The following DYNC2I1 variants were observed in gnomAD, a reference collection of about 807,000 sequenced individuals.
DYNC2I1 encodes the protein dynein 2 intermediate chain 1.
DYNC2I1 carries 89 observed loss-of-function variants against 133.4 expected under a neutral mutation model. That is an observed-to-expected ratio of 0.67 (90% CI 0.56 to 0.80). The LOEUF is 0.80. Among genes scored for constraint, DYNC2I1 ranks in the 30% least tolerant of loss-of-function variants. The pLI is 0.00. For synonymous variants in DYNC2I1, 504 were observed against 484.3 expected, an observed-to-expected ratio of 1.04 and a Z score of -0.54; for missense variants, 1,291 against 1,314.5, an observed-to-expected ratio of 0.98 and a Z score of 0.28.
At chr7:158,870,912 G>T (rs747740827) in intron 2 of DYNC2I1, among the ~76,000 whole-genome samples, 1 of 152,150 alleles carries the variant, frequency 6.6e-6, no homozygotes, top group Non-Finnish European at 1.5e-5. Context: ...ATATTGGGGC[G>T]CTGGTGGGCA....
chr7:158,930,411 G>A, intron 20 of DYNC2I1, 44 bp from the exon 21 acceptor site: 1 of 1,542,274 alleles, frequency 6.5e-7, no homozygotes, highest in Non-Finnish European at 8.9e-7. Flanking sequence ...TTTTGATTTA[G>A]CTTCTATTGA....
the DYNC2I1 span, among the ~76,000 whole-genome samples, chr7:158,847,545 G>T: frequency 2.0e-5 from 3 of 152,188 alleles, no homozygotes. Context: ...GAAGGTAAAA[G>T]CTACCAGTGG....
chr7:158,947,199 T>G (rs1851913420), downstream of DYNC2I1, among the ~76,000 whole-genome samples: 1 of 152,100 alleles, frequency 6.6e-6, no homozygotes, highest in African/African-American at 2.4e-5. Context: ...GGGAAGGAAG[T>G]GGACAGGCAC....
intron 3 of DYNC2I1, 42 bp from the exon 4 acceptor site, chr7:158,876,567 C>A (rs781228657): frequency 6.6e-7 from 1 of 1,515,120 alleles, no homozygotes. Context: ...TTTTGATGTG[C>A]TAACATTTGG....
intron 3 of DYNC2I1, among the ~76,000 whole-genome samples, chr7:158,876,196 G>A (rs968184615): frequency 6.6e-6 from 1 of 152,190 alleles, no homozygotes; most frequent in African/African-American, 2.4e-5. Flanking sequence ...GGCCAGAGCA[G>A]GAGGAAGGGA....
Position 158,945,507 on chromosome 7 carries a change from A to G in DYNC2I1, c.3003-74A>G. ...TTCACTCTTCCCATGGAAGGTAGAC[A>G]TTTTGAAGACTCAGACAGAACCGAA... On this transcript the variant is annotated intron_variant, in intron 24 of 24. Transcript: ENST00000407559. The surrounding 1 kb of genome is among the most constrained non-coding windows in gnomAD (Gnocchi z 4.1). 6.9e-7 allele frequency: 1 copy of G among 1,453,364 alleles called. No homozygotes were observed. The highest frequency in any genetic ancestry group is 1.3e-5 in the South Asian group (1 of 75,830). The allele number at this position is 1,453,364 out of a possible 1,614,324, so 90.0% of individuals were successfully genotyped here. A position where few individuals can be genotyped will look rare whatever the true frequency, so the allele number is the denominator to read the frequency against.
chr7:158,920,996 G>A (rs893314278), intron 15 of DYNC2I1, among the ~76,000 whole-genome samples: 16 of 152,176 alleles, frequency 1.1e-4, no homozygotes, highest in African/African-American at 2.7e-4. Context: ...GTTCTGTAGC[G>A]GGTGCTATGC....
intron 7 of DYNC2I1, among the ~76,000 whole-genome samples, chr7:158,889,071 C>G (rs1258915362): frequency 6.9e-6 from 1 of 144,338 alleles, no homozygotes; most frequent in Non-Finnish European, 1.5e-5. Context: ...ACACACCCCT[C>G]CTGTTTTTCT....
intron 4 of DYNC2I1, among the ~76,000 whole-genome samples, chr7:158,877,261 G>A (rs1048382112): frequency 6.6e-6 from 1 of 151,680 alleles, no homozygotes; most frequent in African/African-American, 2.4e-5. Context: ...CGCGGCGCGG[G>A]TGTGTTGGTG....
In DYNC2I1 at chr7:158,879,739, A is replaced by G. The variant is rs768833360; in HGVS notation, c.629A>G (p.Glu210Gly). 1.6e-5 allele frequency: 26 copies of G among 1,601,840 alleles called. No homozygotes were observed. Among genetic ancestry groups the G allele is most frequent in the East Asian group, 2.2e-5 (1 of 44,832 alleles). ...NPLKYWLYKE[E>G]GERRHRKPRE... ...CTCAAGTACTGGCTTTATAAAGAAGAAGGCGAGAGGAGACACAGGAAGCCC... is the reference window on the plus strand; with the variant it reads ...CTCAAGTACTGGCTTTATAAAGAAGGAGGCGAGAGGAGACACAGGAAGCCC... The change falls in exon 5 of 25, where the codon GAA (glutamate) becomes GGA (glycine). Residue 210 changes from glutamate (E) to glycine (G), a missense_variant. Coordinates refer to ENST00000407559, the MANE Select transcript of DYNC2I1 (RefSeq NM_018051.5).
At chr7:158,896,737 T>C (rs1353278425) in intron 8 of DYNC2I1, among the ~76,000 whole-genome samples, 1 of 152,044 alleles carries the variant, frequency 6.6e-6, no homozygotes, top group African/African-American at 2.4e-5. Context: ...CCTCCCAGAG[T>C]GCTGGGATTA....
At chr7:158,875,127 G>A (rs1446273335) in intron 3 of DYNC2I1, among the ~76,000 whole-genome samples, 3 of 128,922 alleles carry the variant, frequency 2.3e-5, no homozygotes, top group African/African-American at 9.1e-5. Flanking sequence ...AAGGAGTCTC[G>A]CTCTATTGTC....
chr7:158,856,866 G>A lies in DYNC2I1; in HGVS notation c.15+116G>A, dbSNP rs566025253. The A allele has an allele frequency of 6.5e-5, 76 of 1,166,276 alleles. No homozygotes were observed. In the African/African-American group the frequency reaches 1.1e-3, roughly 17 times the overall value. 72.2% of individuals were successfully genotyped at this position (1,166,276 alleles called of 1,614,324 possible). A position where few individuals can be genotyped will look rare whatever the true frequency, so the allele number is the denominator to read the frequency against. On this transcript the variant is annotated intron_variant, in intron 1 of 24. Transcript: ENST00000407559. ...GCGCAGCGGTTCTCTCGGCCGGGCC[G>A]GGGCTTCCCGGAGGAGCCGCGGTGC... is the stretch of plus-strand genomic sequence containing the variant.
intron 14 of DYNC2I1, among the ~76,000 whole-genome samples, chr7:158,916,820 G>C (rs1357418922): frequency 6.9e-4 from 30 of 43,510 alleles, no homozygotes; most frequent in East Asian, 1.1e-3. Context: ...ATTGTGAAAC[G>C]TCGACACGCT....
intron 10 of DYNC2I1, chr7:158,902,885 A>G (rs1846383483): frequency 5.5e-6 from 2 of 361,886 alleles, no homozygotes; most frequent in Non-Finnish European, 1.0e-5. Flanking sequence ...GTGAGCACTG[A>G]TGCTCCTGTT....
intron 23 of DYNC2I1, among the ~76,000 whole-genome samples, chr7:158,938,112 G>A (rs1361735826): frequency 2.6e-5 from 4 of 152,144 alleles, no homozygotes; most frequent in Non-Finnish European, 5.9e-5. Flanking sequence ...TCCAGGTATA[G>A]GAAGGTCAGA....
chr7:158,894,772 A>ATCT (rs1378005399), intron 8 of DYNC2I1, among the ~76,000 whole-genome samples: 1 of 152,244 alleles, frequency 6.6e-6, no homozygotes, highest in African/African-American at 2.4e-5. Context: ...TTGCGAAGCC[A>ATCT]TCTTCCACAG....
intron 4 of DYNC2I1, among the ~76,000 whole-genome samples, chr7:158,954,752 T>C (rs1852157512): frequency 6.6e-6 from 1 of 152,232 alleles, no homozygotes; most frequent in Non-Finnish European, 1.5e-5. Context: ...AGTCTCACCA[T>C]CCAGAGAGAA....
chr7:158,857,791 CTTTTTTT>C (rs369240011), intron 1 of DYNC2I1, among the ~76,000 whole-genome samples: 2 of 133,582 alleles, frequency 1.5e-5, no homozygotes, highest in Non-Finnish European at 3.2e-5. Flanking sequence ...TGCACCCGGC[CTTTTTTT>C]TTTTTTTTTT....
Sources: allele counts gnomAD v4.1 joint callset (sites outside exome capture counted in the v4.1 genomes callset), GRCh38; gene constraint gnomAD v4.1.1; non-coding constraint Gnocchi (gnomAD v3.1); transcripts MANE v1.5; gene names NCBI Gene and HGNC (gene_info 2026-07-23, HGNC 2026-07-21).